Variants in EPB41 observed in about 807,000 individuals in gnomAD.
EPB41 encodes the protein protein 4.1.
Under a neutral mutation model 108.0 loss-of-function variants are expected in EPB41, and 65 were observed. The ratio of observed to expected loss-of-function variants is 0.60; its 90% confidence interval spans 0.49 to 0.74. The LOEUF is 0.74. Ranked by LOEUF, EPB41 falls within the 30% of genes least tolerant of loss-of-function variation. The pLI, the probability that EPB41 is intolerant of heterozygous loss-of-function variation, is 0.00. For missense variants in EPB41, 875 were observed against 1,037.0 expected, an observed-to-expected ratio of 0.84 and a Z score of 2.15; for synonymous variants, 336 against 358.9, an observed-to-expected ratio of 0.94 and a Z score of 0.72.
chr1:28,950,079 G>C (rs2094649265), intron 1 of EPB41, among the ~76,000 whole-genome samples: 1 of 152,088 alleles, frequency 6.6e-6, no homozygotes, highest in South Asian at 2.1e-4. Context: ...TCTTGTCTAT[G>C]CCTGTGATGT....
intron 16 of EPB41, among the ~76,000 whole-genome samples, chr1:29,093,703 G>C (rs966664875): frequency 6.6e-6 from 1 of 152,084 alleles, no homozygotes. Context: ...TCAGGAGATC[G>C]AGACCAGCCT....
intron 6 of EPB41, among the ~76,000 whole-genome samples, chr1:29,016,790 C>G (rs2096584675): frequency 6.6e-6 from 1 of 152,162 alleles, no homozygotes; most frequent in African/African-American, 2.4e-5. Flanking sequence ...GTCTTATCCA[C>G]AGGAGATGCT....
At chr1:28,927,921 C>T (rs946464780) in intron 1 of EPB41, among the ~76,000 whole-genome samples, 5 of 152,148 alleles carry the variant, frequency 3.3e-5, no homozygotes, top group African/African-American at 1.2e-4. Context: ...GAGCTCACAG[C>T]AAGGACTTTT....
intron 1 of EPB41, among the ~76,000 whole-genome samples, chr1:28,901,691 G>A (rs959490476): frequency 2.6e-5 from 4 of 151,912 alleles, no homozygotes; most frequent in Middle Eastern, 3.4e-3. Context: ...CCGCCACCAC[G>A]CCCATCTAAT....
chr1:29,056,452 G>A (rs3003632), intron 12 of EPB41, among the ~76,000 whole-genome samples: 136,587 of 152,152 alleles, frequency 0.9, 61,549 homozygotes, highest in African/African-American at 0.97. Context: ...ACCTGTAGGT[G>A]CTGTCTCCCC....
chr1:29,036,254 ATTTTTTTTT>A (rs71022387), intron 10 of EPB41, among the ~76,000 whole-genome samples: 43 of 106,344 alleles, frequency 4.0e-4, no homozygotes, highest in African/African-American at 1.3e-3. Flanking sequence ...TCCACGTGTG[ATTTTTTTTT>A]TTTTTTTTTT....
In EPB41 at chr1:28,898,432, A is replaced by G. The variant is rs144581569; in HGVS notation, c.-8+11222A>G. Among the ~76,000 whole-genome samples, 571 of 152,252 alleles carry G rather than the reference A, an allele frequency of 3.8e-3. 6 individuals carry two copies. The highest frequency in any genetic ancestry group is 0.013 in the African/African-American group (545 of 41,524). On this transcript the variant is annotated intron_variant, in intron 1 of 16. Coordinates refer to the EPB41 transcript ENST00000347529. ...CTCCAGTCACTCACATACCCTGTCT[A>G]TCTCAGTTTCCACCTCAGTGAAGTG...
At position 29,118,958 on chromosome 1, in the gene EPB41, TG is replaced by T. The variant is rs1671425073; in HGVS notation, c.*2150del. The T allele has an allele frequency of 2.6e-5, 4 of 152,408 alleles. No individual in the cohort carries two copies. In the South Asian group the frequency reaches 8.3e-4, roughly 32 times the overall value. 9.4% of individuals were successfully genotyped at this position (152,408 alleles called of 1,614,324 possible). A position where few individuals can be genotyped will look rare whatever the true frequency, so the allele number is the denominator to read the frequency against. ...TTCCAGACCTGTGGAACGAAGAGGA[TG>T]GGGAAAAGGCAGAGGGCACTGAGTG... is the stretch of plus-strand genomic sequence containing the variant. On this transcript the variant is annotated 3_prime_UTR_variant, in exon 21 of 21. Coordinates refer to ENST00000343067, the MANE Select transcript of EPB41 (RefSeq NM_001376013.1).
chr1:29,083,134 A>C (rs945529603), intron 16 of EPB41, among the ~76,000 whole-genome samples: 2 of 152,146 alleles, frequency 1.3e-5, no homozygotes, highest in African/African-American at 4.8e-5. Context: ...AGTGAGCACT[A>C]TAAGGATATA....
At chr1:28,983,653 C>A (rs145502758) in intron 1 of EPB41, among the ~76,000 whole-genome samples, 3 of 152,298 alleles carry the variant, frequency 2.0e-5, no homozygotes, top group African/African-American at 7.2e-5. Context: ...AGCGCTGGAA[C>A]GAGCTGACTG....
chr1:29,047,404 C>T (rs1043715477), intron 11 of EPB41, among the ~76,000 whole-genome samples: 7 of 147,844 alleles, frequency 4.7e-5, no homozygotes, highest in African/African-American at 5.0e-5. Flanking sequence ...TTCACGCTAC[C>T]GCGCCTGGCT....
chr1:29,026,525 CA>C (rs2096721424), intron 7 of EPB41, among the ~76,000 whole-genome samples: 1 of 152,080 alleles, frequency 6.6e-6, no homozygotes, highest in Non-Finnish European at 1.5e-5. Context: ...TTCCCACTAC[CA>C]AATCTGGGGC....
rs527577415 is a variant in EPB41 at position 28,941,353 on chromosome 1, C to T, written c.-8+26585C>T. On this transcript the variant is annotated intron_variant, in intron 1 of 20. Coordinates refer to ENST00000343067, the MANE Select transcript of EPB41 (RefSeq NM_001376013.1). ...TGTGATTGCACCACTGCTCTCCAGC[C>T]TGGGTGGCAGAGTGAGACCTTGTCT... Among the ~76,000 whole-genome samples the T allele has an allele frequency of 9.9e-5, 15 of 152,250 alleles. No individual in the cohort carries two copies. In the East Asian group the frequency reaches 1.5e-3, roughly 16 times the overall value.
intron 14 of EPB41, among the ~76,000 whole-genome samples, chr1:29,059,571 T>G (rs1398323405): frequency 6.6e-6 from 1 of 150,792 alleles, no homozygotes; most frequent in Non-Finnish European, 1.5e-5. Context: ...AGCCCAGGAG[T>G]TCAAGACCAG....
chr1:28,912,163 C>T (rs2092291823), upstream of EPB41, among the ~76,000 whole-genome samples: 1 of 152,208 alleles, frequency 6.6e-6, no homozygotes, highest in African/African-American at 2.4e-5. Context: ...ACTCATTCAA[C>T]AAATATTTAT....
chr1:29,065,133 A>G lies in EPB41; in HGVS notation c.2159A>G (p.Asn720Ser), dbSNP rs35738494. The stretch of plus-strand genomic sequence containing the variant: ...TCACCCTTCCGAACTCTTAACATCA[A>G]TGGGCAAATCCCCACAGGAGAAGGA... ...THSPFRTLNI[N>S]GQIPTGEGPP... is the part of the protein sequence containing the mutation. The change falls in exon 16 of 21, where the codon AAT (asparagine) becomes AGT (serine). Residue 720 changes from asparagine to serine, a missense_variant. Coordinates refer to ENST00000343067, the MANE Select transcript of EPB41 (RefSeq NM_001376013.1). The G allele has an allele frequency of 1.7e-4, 279 of 1,608,780 alleles. No individual in the cohort carries two copies. Among genetic ancestry groups the G allele is most frequent in the Non-Finnish European group, 2.2e-4 (255 of 1,176,310 alleles).
At chr1:28,932,039 G>A (rs1412293317) in intron 1 of EPB41, among the ~76,000 whole-genome samples, 4 of 152,124 alleles carry the variant, frequency 2.6e-5, no homozygotes, top group Admixed American at 6.6e-5. Context: ...AGCATTTATT[G>A]CAATTGTTTG....
intron 1 of EPB41, among the ~76,000 whole-genome samples, chr1:28,969,390 C>T (rs2095439946): frequency 6.6e-6 from 1 of 152,014 alleles, no homozygotes; most frequent in Admixed American, 6.6e-5. Flanking sequence ...CAGCCCATGT[C>T]TTACTTTTCT....
At chr1:28,958,995 A>C (rs2149096350) in intron 1 of EPB41, among the ~76,000 whole-genome samples, 1 of 152,008 alleles carries the variant, frequency 6.6e-6, no homozygotes, top group South Asian at 2.1e-4. Flanking sequence ...GCTTTGAAGG[A>C]GGGTTAGAAT....
Sources: allele counts gnomAD v4.1 joint callset (sites outside exome capture counted in the v4.1 genomes callset), GRCh38; gene constraint gnomAD v4.1.1; transcripts MANE v1.5; gene names NCBI Gene and HGNC (gene_info 2026-07-23, HGNC 2026-07-21).